Variants in ZBTB20 observed in about 807,000 individuals in gnomAD.
The protein encoded by ZBTB20 is zinc finger and BTB domain-containing protein 20.
Under a neutral mutation model 56.9 loss-of-function variants are expected in ZBTB20, and 9 were observed. The ratio of observed to expected loss-of-function variants is 0.16; its 90% confidence interval spans 0.10 to 0.28. The LOEUF is 0.28. Ranked by LOEUF, ZBTB20 falls within the 10% of genes least tolerant of loss-of-function variation. The pLI, the probability that ZBTB20 is intolerant of heterozygous loss-of-function variation, is 1.00. For missense variants in ZBTB20, 655 were observed against 1,003.0 expected (o/e 0.65, Z 4.69); for synonymous variants, 417 against 420.7 (o/e 0.99, Z 0.11).
At chr3:114,971,471 T>C (rs2077881132) in intron 3 of ZBTB20, among the ~76,000 whole-genome samples, 2 of 152,178 alleles carry the variant, frequency 1.3e-5, no homozygotes, top group Admixed American at 6.5e-5. Context: ...AAAAAATAGA[T>C]AAAAGTGCGG....
At chr3:114,406,240 G>C (rs1361166845) in intron 7 of ZBTB20, among the ~76,000 whole-genome samples, 3 of 152,102 alleles carry the variant, frequency 2.0e-5, no homozygotes, top group Non-Finnish European at 4.4e-5. Context: ...AGTACAGCAG[G>C]CTTCAGAGAT....
chr3:115,136,180 T>C (rs2084648009), intron 1 of ZBTB20, among the ~76,000 whole-genome samples: 1 of 152,142 alleles, frequency 6.6e-6, no homozygotes. Flanking sequence ...ATTTTTGCCA[T>C]GATAGAATTT....
chr3:114,834,632 T>C (rs2074027329), intron 4 of ZBTB20, among the ~76,000 whole-genome samples: 1 of 152,138 alleles, frequency 6.6e-6, no homozygotes, highest in Non-Finnish European at 1.5e-5. Context: ...TTAGCTCCTT[T>C]GCTCCAATCC....
At chr3:114,966,988 T>C (rs1262816775) in intron 3 of ZBTB20, among the ~76,000 whole-genome samples, 5 of 152,152 alleles carry the variant, frequency 3.3e-5, no homozygotes, top group East Asian at 1.9e-4. Context: ...TTGCCTAAAT[T>C]AACTTTCTGT....
At chr3:114,438,921 T>C (rs2090722693) in intron 7 of ZBTB20, among the ~76,000 whole-genome samples, 2 of 152,064 alleles carry the variant, frequency 1.3e-5, no homozygotes, top group South Asian at 4.1e-4. Flanking sequence ...GTCCCAGAGC[T>C]ACCCAGACCC....
chr3:114,751,658 G>A (rs548158668), intron 5 of ZBTB20, among the ~76,000 whole-genome samples: 3 of 152,198 alleles, frequency 2.0e-5, no homozygotes, highest in Middle Eastern at 3.4e-3. Context: ...ACATAAGAGC[G>A]TTGGATTTAC....
chr3:114,592,356 T>C (rs2055857071), intron 6 of ZBTB20, among the ~76,000 whole-genome samples: 1 of 152,214 alleles, frequency 6.6e-6, no homozygotes, highest in African/African-American at 2.4e-5. Flanking sequence ...CGTTGTGTCC[T>C]GGTATCATCA....
At chr3:114,650,076 A>AT (rs1453075676) in intron 6 of ZBTB20, among the ~76,000 whole-genome samples, 8 of 151,954 alleles carry the variant, frequency 5.3e-5, no homozygotes, top group Non-Finnish European at 1.0e-4. Context: ...ATCATGAAAG[A>AT]TTTTTTGTAA....
At chr3:114,607,629 A>C (rs1274956020) in intron 6 of ZBTB20, among the ~76,000 whole-genome samples, 6 of 152,162 alleles carry the variant, frequency 3.9e-5, no homozygotes, top group Admixed American at 1.3e-4. Context: ...TTAATAAATC[A>C]GTATGTATCA....
chr3:114,605,894 A>G (rs142407402), intron 6 of ZBTB20, among the ~76,000 whole-genome samples: 2 of 152,286 alleles, frequency 1.3e-5, no homozygotes, highest in African/African-American at 2.4e-5. Context: ...GGTTCCAGAC[A>G]GAGGATAGAG....
chr3:114,423,155 T>C (rs1474837232), intron 7 of ZBTB20, among the ~76,000 whole-genome samples: 1 of 152,216 alleles, frequency 6.6e-6, no homozygotes, highest in Non-Finnish European at 1.5e-5. Context: ...GTTGAGCCAC[T>C]AACTCCCTCT....
chr3:114,504,602 A>T (rs1286131961), intron 6 of ZBTB20, among the ~76,000 whole-genome samples: 1 of 152,190 alleles, frequency 6.6e-6, no homozygotes, highest in African/African-American at 2.4e-5. Flanking sequence ...ACAAGAATAT[A>T]TTGAGGAGCT....
At position 114,318,615 on chromosome 3, in the gene ZBTB20, G is replaced by GT. The variant is rs1486593115; in HGVS notation, c.*20389dup. On this transcript the variant is annotated 3_prime_UTR_variant, in exon 12 of 12. Transcript: ENST00000675478. ...ACCTTTATGCCTCTCTTTGCATCAG[G>GT]TTGGCCCCCAGTCCCTAAGAAGGCA... The GT allele has an allele frequency of 6.6e-6, 1 of 152,136 alleles. No homozygotes were observed. Among genetic ancestry groups the GT allele is most frequent in the Non-Finnish European group, 1.5e-5 (1 of 68,028 alleles). 9.4% of individuals were successfully genotyped at this position (152,136 alleles called of 1,614,324 possible). A position where few individuals can be genotyped will look rare whatever the true frequency, so the allele number is the denominator to read the frequency against.
At chr3:114,940,004 T>C (rs1056825607) in intron 3 of ZBTB20, among the ~76,000 whole-genome samples, 5 of 146,616 alleles carry the variant, frequency 3.4e-5, no homozygotes, top group Non-Finnish European at 7.4e-5. Flanking sequence ...TTTCATATGC[T>C]CTTCTATGAC....
chr3:115,062,527 G>A (rs2082048212), intron 2 of ZBTB20, among the ~76,000 whole-genome samples: 1 of 152,004 alleles, frequency 6.6e-6, no homozygotes, highest in Non-Finnish European at 1.5e-5. Context: ...AAGGATATCT[G>A]CTAAACACTT....
chr3:114,341,350 C>G (rs2079747411), intron 11 of ZBTB20, among the ~76,000 whole-genome samples: 1 of 152,004 alleles, frequency 6.6e-6, no homozygotes, highest in Non-Finnish European at 1.5e-5. Context: ...TGTAAACATG[C>G]CTGGAAGTCA....
At chr3:114,653,136 C>T (rs1304165456) in intron 6 of ZBTB20, among the ~76,000 whole-genome samples, 1 of 151,854 alleles carries the variant, frequency 6.6e-6, no homozygotes, top group Non-Finnish European at 1.5e-5. Context: ...TTATTTTACT[C>T]GTCTTATTGC....
chr3:114,539,752 C>T (rs145746589), intron 6 of ZBTB20, among the ~76,000 whole-genome samples: 1 of 152,080 alleles, frequency 6.6e-6, no homozygotes, highest in Non-Finnish European at 1.5e-5. Flanking sequence ...CAGTTCCCCA[C>T]TGCCCTCATT....
At chr3:114,860,432 T>C (rs934395145) in intron 4 of ZBTB20, among the ~76,000 whole-genome samples, 2 of 152,162 alleles carry the variant, frequency 1.3e-5, no homozygotes, top group Non-Finnish European at 2.9e-5. Flanking sequence ...GTGGCTTAAT[T>C]TTTTTTAATC....
Sources: gnomAD v4.1 joint callset for allele counts (sites outside exome capture counted in the v4.1 genomes callset) on GRCh38, gnomAD v4.1.1 for gene constraint, MANE v1.5 for transcripts, NCBI Gene and HGNC (gene_info 2026-07-23, HGNC 2026-07-21) for gene names.